Variants in CAMK1D observed in about 807,000 individuals in gnomAD.
CAMK1D encodes calcium/calmodulin dependent protein kinase ID.
CAMK1D carries 9 observed loss-of-function variants against 47.7 expected under a neutral mutation model. That is an observed-to-expected ratio of 0.19 (90% CI 0.11 to 0.33). The LOEUF is 0.33. Ranked by LOEUF, CAMK1D falls within the 10% of genes least tolerant of loss-of-function variation. CAMK1D has a pLI of 1.00. For missense variants in CAMK1D, 291 were observed against 488.7 expected, an observed-to-expected ratio of 0.60 and a Z score of 3.81; for synonymous variants, 184 against 184.9, an observed-to-expected ratio of 0.99 and a Z score of 0.04.
chr10:12,639,640 A>T (rs1170177316), intron 2 of CAMK1D, among the ~76,000 whole-genome samples: 1 of 152,090 alleles, frequency 6.6e-6, no homozygotes, highest in Non-Finnish European at 1.5e-5. Context: ...ATCACGTGTA[A>T]CCTTGTTTTC....
At chr10:12,594,768 A>G (rs756001364) in intron 2 of CAMK1D, among the ~76,000 whole-genome samples, 5 of 151,954 alleles carry the variant, frequency 3.3e-5, no homozygotes, top group Non-Finnish European at 5.9e-5. Flanking sequence ...AAATCAGGAA[A>G]CTGTTTCCAG....
At chr10:12,600,861 G>A (rs886281706) in intron 2 of CAMK1D, among the ~76,000 whole-genome samples, 6 of 152,150 alleles carry the variant, frequency 3.9e-5, no homozygotes, top group Non-Finnish European at 7.4e-5. Context: ...CCCACTTGTG[G>A]GTGAGAACAT....
chr10:12,563,198 G>C (rs374890265), intron 2 of CAMK1D, among the ~76,000 whole-genome samples: 2 of 152,152 alleles, frequency 1.3e-5, no homozygotes, highest in African/African-American at 2.4e-5. Context: ...TTAGCTCCAG[G>C]AGAGAGAAAA....
rs1564516364 is a variant in CAMK1D at position 12,721,545 on chromosome 10, T to TCC, written c.300-39403_300-39402insCC. Among the ~76,000 whole-genome samples the TCC allele has an allele frequency of 1.6e-3, 213 of 137,122 alleles. 1 individual carries two copies. Among genetic ancestry groups the TCC allele is most frequent in the African/African-American group, 3.6e-3 (126 of 35,358 alleles). 90.0% of individuals were successfully genotyped at this position (137,122 alleles called of 152,430 possible). A position where few individuals can be genotyped will look rare whatever the true frequency, so the allele number is the denominator to read the frequency against. On this transcript the variant is annotated intron_variant, in intron 3 of 10. Coordinates refer to ENST00000619168, the MANE Select transcript of CAMK1D (RefSeq NM_153498.4). ...CCATCCATCCATCCATCCATCCATC[T>TCC]ATCCATCCATCCAAAAAATATTTAC...
intron 1 of CAMK1D, among the ~76,000 whole-genome samples, chr10:12,534,172 A>G (rs1428426953): frequency 1.5e-4 from 21 of 136,514 alleles, no homozygotes; most frequent in Admixed American, 6.7e-4. Flanking sequence ...CTATCTGTCT[A>G]TCTATCTATC....
intron 3 of CAMK1D, among the ~76,000 whole-genome samples, chr10:12,727,365 G>T (rs113897131): frequency 2.3e-4 from 35 of 152,312 alleles, no homozygotes; most frequent in African/African-American, 7.9e-4. Context: ...CTGTGCTTAT[G>T]TAACGATATT....
intron 2 of CAMK1D, among the ~76,000 whole-genome samples, chr10:12,630,613 C>T (rs1839352371): frequency 6.6e-6 from 1 of 152,002 alleles, no homozygotes; most frequent in Non-Finnish European, 1.5e-5. Context: ...GAAATGAGGT[C>T]TCACTATGTT....
At chr10:12,356,479 A>G (rs1476297894) in intron 1 of CAMK1D, among the ~76,000 whole-genome samples, 1 of 152,112 alleles carries the variant, frequency 6.6e-6, no homozygotes, top group African/African-American at 2.4e-5. Flanking sequence ...AAATTCTCAG[A>G]GGGACTTTGA....
intron 1 of CAMK1D, among the ~76,000 whole-genome samples, chr10:12,354,602 G>A (rs1412542058): frequency 1.3e-5 from 2 of 151,690 alleles, no homozygotes; most frequent in African/African-American, 4.8e-5. Flanking sequence ...AGTAGAGACG[G>A]GATTTCACCA....
intron 1 of CAMK1D, among the ~76,000 whole-genome samples, chr10:12,475,953 A>G (rs1833889450): frequency 6.6e-6 from 1 of 152,068 alleles, no homozygotes; most frequent in African/African-American, 2.4e-5. Flanking sequence ...GGAAATAGAC[A>G]TTATGGGAAT....
chr10:12,751,091 GATAAGATAAGATAAGATAAGATA>G (rs1835942098), intron 3 of CAMK1D, among the ~76,000 whole-genome samples: 2 of 98,034 alleles, frequency 2.0e-5, no homozygotes, highest in African/African-American at 8.6e-5. Flanking sequence ...GATAAGATAA[GATAAGATAAGATAAGATAAGATA>G]AGATAAGATA....
intron 2 of CAMK1D, among the ~76,000 whole-genome samples, chr10:12,554,958 G>A (rs1478840595): frequency 6.6e-6 from 1 of 152,190 alleles, no homozygotes; most frequent in Non-Finnish European, 1.5e-5. Context: ...CATCTCCAAA[G>A]GTTTGGGGGA....
intron 6 of CAMK1D, among the ~76,000 whole-genome samples, chr10:12,810,896 G>A (rs1233371329): frequency 1.3e-5 from 2 of 152,242 alleles, no homozygotes; most frequent in Admixed American, 1.3e-4. Flanking sequence ...GGAGGTGTGG[G>A]AACCACAAGG....
intron 2 of CAMK1D, among the ~76,000 whole-genome samples, chr10:12,561,763 C>G (rs141861464): frequency 4.0e-4 from 61 of 152,290 alleles, no homozygotes; most frequent in African/African-American, 1.4e-3. Flanking sequence ...TGTTTTGTCC[C>G]TTGCAAAAAT....
At chr10:12,797,328 G>A (rs1021934560) in intron 6 of CAMK1D, among the ~76,000 whole-genome samples, 4 of 151,840 alleles carry the variant, frequency 2.6e-5, no homozygotes, top group African/African-American at 9.7e-5. Flanking sequence ...CTTCCAAGTA[G>A]CTGGGACCAT....
At chr10:12,418,135 G>A (rs1004612241) in intron 1 of CAMK1D, among the ~76,000 whole-genome samples, 3 of 152,226 alleles carry the variant, frequency 2.0e-5, no homozygotes, top group African/African-American at 7.2e-5. Flanking sequence ...CGCCCTGCCA[G>A]ATGATGCAGT....
chr10:12,401,513 C>A (rs1839223909), intron 1 of CAMK1D, among the ~76,000 whole-genome samples: 1 of 150,604 alleles, frequency 6.6e-6, no homozygotes. Context: ...ACAAAAACAG[C>A]CAGTGCTGAG....
At chr10:12,431,836 C>A (rs574901560) in intron 1 of CAMK1D, among the ~76,000 whole-genome samples, 1 of 152,230 alleles carries the variant, frequency 6.6e-6, no homozygotes, top group Non-Finnish European at 1.5e-5. Context: ...TTCTCACATC[C>A]GCAGAGGATT....
chr10:12,352,901 T>G (rs1286827873), intron 1 of CAMK1D, among the ~76,000 whole-genome samples: 1 of 151,912 alleles, frequency 6.6e-6, no homozygotes, highest in Non-Finnish European at 1.5e-5. Flanking sequence ...CATGCCTGGC[T>G]AATTTTTTTG....
Sources: gnomAD v4.1 joint callset for allele counts (sites outside exome capture counted in the v4.1 genomes callset) on GRCh38, gnomAD v4.1.1 for gene constraint, MANE v1.5 for transcripts, NCBI Gene and HGNC (gene_info 2026-07-23, HGNC 2026-07-21) for gene names.